Variants in BMAL2 observed in about 807,000 individuals in gnomAD.
BMAL2 encodes basic helix-loop-helix ARNT like 2.
chr12:27,409,387 C>T, the BMAL2 span, among the ~76,000 whole-genome samples: 1 of 152,044 alleles, frequency 6.6e-6, no homozygotes, highest in Non-Finnish European at 1.5e-5. Flanking sequence ...GTACTGGTAC[C>T]AAAACAGAGA....
the BMAL2 span, chr12:27,402,583 TAGAA>T: frequency 1.3e-5 from 20 of 1,557,488 alleles, no homozygotes; most frequent in Non-Finnish European, 1.8e-5. Flanking sequence ...TCCTTCACCT[TAGAA>T]AGTAAATCAC....
chr12:27,390,686 G>A, the BMAL2 span, among the ~76,000 whole-genome samples: 18 of 151,974 alleles, frequency 1.2e-4, no homozygotes, highest in Non-Finnish European at 2.5e-4. Flanking sequence ...GTGATTCTTC[G>A]GTAAATATCT....
At chr12:27,335,469 C>T in the BMAL2 span, among the ~76,000 whole-genome samples, 1 of 152,310 alleles carries the variant, frequency 6.6e-6, no homozygotes, top group African/African-American at 2.4e-5. Flanking sequence ...TTCTTACCAG[C>T]TCATGTTTTC....
At chr12:27,410,567 G>A in the BMAL2 span, among the ~76,000 whole-genome samples, 25 of 152,112 alleles carry the variant, frequency 1.6e-4, no homozygotes, top group African/African-American at 5.6e-4. Context: ...GACACAGGAA[G>A]GGGAACATCA....
chr12:27,372,676 T>A, the BMAL2 span, among the ~76,000 whole-genome samples: 1 of 152,150 alleles, frequency 6.6e-6, no homozygotes, highest in Admixed American at 6.5e-5. Flanking sequence ...TTATTTTTTT[T>A]TATTTTTTAT....
the BMAL2 span, among the ~76,000 whole-genome samples, chr12:27,336,321 C>T: frequency 1.1e-4 from 16 of 152,100 alleles, no homozygotes; most frequent in African/African-American, 2.9e-4. Flanking sequence ...TAGTGGCTCC[C>T]CTGGTTCTCA....
the BMAL2 span, among the ~76,000 whole-genome samples, chr12:27,410,205 A>C: frequency 6.6e-6 from 1 of 152,104 alleles, no homozygotes; most frequent in African/African-American, 2.4e-5. Context: ...CAGGGATCTA[A>C]AACTAGAAAT....
the BMAL2 span, among the ~76,000 whole-genome samples, chr12:27,372,899 T>C: frequency 1.3e-5 from 2 of 152,260 alleles, no homozygotes; most frequent in Admixed American, 6.5e-5. Context: ...GGTCTCGATC[T>C]CCTGACCTCG....
chr12:27,371,516 G>A, the BMAL2 span, among the ~76,000 whole-genome samples: 3,406 of 152,254 alleles, frequency 0.022, 63 homozygotes, highest in Middle Eastern at 0.068. Flanking sequence ...TGCACTTAGA[G>A]GGGGGTGAGC....
chr12:27,358,939 G>C, the BMAL2 span, among the ~76,000 whole-genome samples: 1 of 151,796 alleles, frequency 6.6e-6, no homozygotes, highest in African/African-American at 2.4e-5. Flanking sequence ...TTCTTGAATA[G>C]TGCCAATTAA....
the BMAL2 span, among the ~76,000 whole-genome samples, chr12:27,336,845 G>A: frequency 3.3e-5 from 5 of 151,310 alleles, no homozygotes; most frequent in African/African-American, 1.2e-4. Context: ...CCCAGCTCAG[G>A]AGGCTGAGGT....
the BMAL2 span, among the ~76,000 whole-genome samples, chr12:27,343,620 GA>G: frequency 6.6e-6 from 1 of 152,108 alleles, no homozygotes; most frequent in Non-Finnish European, 1.5e-5. Context: ...TGTGCCTTTG[GA>G]AAAACCTGCT....
chr12:27,349,121 C>T, the BMAL2 span, among the ~76,000 whole-genome samples: 4 of 152,158 alleles, frequency 2.6e-5, no homozygotes, highest in Non-Finnish European at 5.9e-5. Context: ...GATTGGGCAG[C>T]ATCATGCAGT....
the BMAL2 span, among the ~76,000 whole-genome samples, chr12:27,360,803 CAAAA>C: frequency 2.7e-3 from 125 of 46,792 alleles, 1 homozygote; most frequent in Admixed American, 3.6e-3. Context: ...GTGATTTGTC[CAAAA>C]AAAAAAAAAA....
chr12:27,345,825 T>TC, the BMAL2 span, among the ~76,000 whole-genome samples: 2 of 152,186 alleles, frequency 1.3e-5, no homozygotes, highest in African/African-American at 4.8e-5. Flanking sequence ...TTGTTCTTTT[T>TC]CCCCTCTATT....
the BMAL2 span, among the ~76,000 whole-genome samples, chr12:27,409,888 A>G: frequency 6.6e-6 from 1 of 152,228 alleles, no homozygotes; most frequent in South Asian, 2.1e-4. Flanking sequence ...GAACTCCAAC[A>G]AATTTACAAG....
the BMAL2 span, among the ~76,000 whole-genome samples, chr12:27,354,080 G>A: frequency 6.6e-6 from 1 of 152,084 alleles, no homozygotes; most frequent in Non-Finnish European, 1.5e-5. Flanking sequence ...TATACCCAAA[G>A]GAATATAAAT....
chr12:27,366,508 A>G, the BMAL2 span, among the ~76,000 whole-genome samples: 1 of 152,224 alleles, frequency 6.6e-6, no homozygotes, highest in Non-Finnish European at 1.5e-5. Context: ...AACTTTTTAT[A>G]TGCATTTTAA....
the BMAL2 span, among the ~76,000 whole-genome samples, chr12:27,388,482 A>C: frequency 6.6e-6 from 1 of 152,168 alleles, no homozygotes; most frequent in Non-Finnish European, 1.5e-5. Context: ...ACTGTGGGTC[A>C]GGAAGGCGTC....
Sources: allele counts gnomAD v4.1 joint callset (sites outside exome capture counted in the v4.1 genomes callset), GRCh38; gene constraint gnomAD v4.1.1; transcripts MANE v1.5; gene names NCBI Gene and HGNC (gene_info 2026-07-23, HGNC 2026-07-21).